The following PDE4B variants were observed in gnomAD, a reference collection of about 807,000 sequenced individuals.
The protein encoded by PDE4B is phosphodiesterase 4B.
A neutral mutation model predicts 82.2 loss-of-function variants in PDE4B; 20 were observed. The observed-to-expected ratio is 0.24, with a 90% CI of 0.17 to 0.35. The LOEUF is 0.35. Ranked by LOEUF, PDE4B falls within the 10% of genes least tolerant of loss-of-function variation. PDE4B has a pLI of 1.00. For missense variants in PDE4B, 655 were observed against 907.2 expected, an observed-to-expected ratio of 0.72 and a Z score of 3.57; for synonymous variants, 320 against 318.9, an observed-to-expected ratio of 1.00 and a Z score of -0.04.
At chr1:66,028,934 C>A (rs1653606723) in intron 3 of PDE4B, among the ~76,000 whole-genome samples, 1 of 152,190 alleles carries the variant, frequency 6.6e-6, no homozygotes, top group African/African-American at 2.4e-5. Flanking sequence ...TTCTTCTGAG[C>A]CTTTCAAACT....
At chr1:65,958,135 ATTAGGTT>A (rs1649350034) in intron 3 of PDE4B, among the ~76,000 whole-genome samples, 2 of 152,162 alleles carry the variant, frequency 1.3e-5, no homozygotes, top group African/African-American at 4.8e-5. Flanking sequence ...GATGCATTTG[ATTAGGTT>A]ATGGGCGCTT....
intron 1 of PDE4B, among the ~76,000 whole-genome samples, chr1:65,837,569 C>T (rs1646154319): frequency 6.6e-6 from 1 of 152,210 alleles, no homozygotes; most frequent in South Asian, 2.1e-4. Context: ...GATCATGCCA[C>T]TGCTCTTCAG....
At chr1:66,209,046 A>G (rs1649803747) in intron 3 of PDE4B, among the ~76,000 whole-genome samples, 2 of 152,206 alleles carry the variant, frequency 1.3e-5, no homozygotes, top group South Asian at 2.1e-4. Flanking sequence ...GCTCAATAAT[A>G]TATGTCAGGA....
chr1:66,195,222 C>G (rs1648187973), intron 3 of PDE4B, among the ~76,000 whole-genome samples: 1 of 152,170 alleles, frequency 6.6e-6, no homozygotes, highest in African/African-American at 2.4e-5. Context: ...CAAATTCACT[C>G]TGGCACCAGA....
intron 3 of PDE4B, among the ~76,000 whole-genome samples, chr1:65,996,887 C>T (rs1237017478): frequency 6.6e-6 from 1 of 152,198 alleles, no homozygotes; most frequent in Non-Finnish European, 1.5e-5. Flanking sequence ...CCAGAGTTCT[C>T]AGGTCAGCAT....
intron 3 of PDE4B, among the ~76,000 whole-genome samples, chr1:66,042,133 G>A (rs1019481091): frequency 1.3e-5 from 2 of 151,640 alleles, no homozygotes; most frequent in Admixed American, 1.3e-4. Context: ...CCAACTTCAG[G>A]TGATTGTTTC....
intron 7 of PDE4B, among the ~76,000 whole-genome samples, chr1:66,268,688 AAAAG>A: frequency 6.6e-6 from 1 of 150,718 alleles, no homozygotes; most frequent in Non-Finnish European, 1.5e-5. Context: ...AAAAAAAAAA[AAAAG>A]AAAGAAAAAG....
chr1:66,023,087 C>A (rs1462516894), intron 3 of PDE4B, among the ~76,000 whole-genome samples: 1 of 152,054 alleles, frequency 6.6e-6, no homozygotes, highest in Admixed American at 6.6e-5. Flanking sequence ...TCTGTTGGTA[C>A]CTTGGAGAGC....
intron 7 of PDE4B, among the ~76,000 whole-genome samples, chr1:66,305,835 A>G (rs1054410491): frequency 2.0e-5 from 3 of 152,170 alleles, no homozygotes; most frequent in African/African-American, 7.2e-5. Context: ...CATCTATCAC[A>G]AGCCAGTAAT....
At chr1:66,262,306 C>T (rs765515300) in intron 6 of PDE4B, among the ~76,000 whole-genome samples, 52 of 152,178 alleles carry the variant, frequency 3.4e-4, no homozygotes, top group Non-Finnish European at 1.6e-4. Flanking sequence ...GGACTCAGTA[C>T]GTTGTAAATC....
At chr1:66,065,195 T>C (rs973860865) in intron 3 of PDE4B, among the ~76,000 whole-genome samples, 1 of 151,940 alleles carries the variant, frequency 6.6e-6, no homozygotes. Context: ...GAATTAAAGA[T>C]TGAAATCAAC....
chr1:66,326,345 G>T (rs1349888096), intron 7 of PDE4B, among the ~76,000 whole-genome samples: 1 of 152,144 alleles, frequency 6.6e-6, no homozygotes, highest in African/African-American at 2.4e-5. Context: ...ATAGATCATT[G>T]CCAACCCTAT....
chr1:66,016,412 T>A (rs181172880), intron 3 of PDE4B, among the ~76,000 whole-genome samples: 165 of 152,352 alleles, frequency 1.1e-3, no homozygotes, highest in African/African-American at 3.8e-3. Context: ...CTACGGCACA[T>A]ACTTCTTTCT....
At chr1:66,255,740 T>C (rs1354477734) in intron 4 of PDE4B, among the ~76,000 whole-genome samples, 1 of 152,248 alleles carries the variant, frequency 6.6e-6, no homozygotes, top group African/African-American at 2.4e-5. Flanking sequence ...CCATTGTTTT[T>C]AATTCTCATT....
intron 7 of PDE4B, among the ~76,000 whole-genome samples, chr1:66,276,513 A>G (rs1159798267): frequency 6.6e-6 from 1 of 152,240 alleles, no homozygotes; most frequent in Non-Finnish European, 1.5e-5. Flanking sequence ...CTGGACTACC[A>G]ACAACCTTAA....
At chr1:65,818,007 A>G (rs1645905907) in intron 1 of PDE4B, among the ~76,000 whole-genome samples, 1 of 152,176 alleles carries the variant, frequency 6.6e-6, no homozygotes, top group Non-Finnish European at 1.5e-5. Context: ...GTTGTCAAAA[A>G]AAAAGCTAAA....
chr1:66,332,217 A>G, intron 7 of PDE4B: 1 of 1,442,014 alleles, frequency 6.9e-7, no homozygotes, highest in Non-Finnish European at 9.1e-7. Context: ...TGAGCTTATA[A>G]GAGACCGTTC....
intron 3 of PDE4B, among the ~76,000 whole-genome samples, chr1:65,969,036 A>G (rs1649995084): frequency 6.6e-6 from 1 of 152,162 alleles, no homozygotes; most frequent in African/African-American, 2.4e-5. Flanking sequence ...AAATTATCTC[A>G]TTTAATTTTA....
chr1:65,912,035 G>A (rs1647098477), intron 1 of PDE4B, among the ~76,000 whole-genome samples: 1 of 151,926 alleles, frequency 6.6e-6, no homozygotes, highest in Non-Finnish European at 1.5e-5. Flanking sequence ...AGGGTTAAAT[G>A]GACACAGTGA....
Sources: allele counts gnomAD v4.1 joint callset (sites outside exome capture counted in the v4.1 genomes callset), GRCh38; gene constraint gnomAD v4.1.1; transcripts MANE v1.5; gene names NCBI Gene and HGNC (gene_info 2026-07-23, HGNC 2026-07-21).